ZNF420: variants seen among roughly 807,000 people sequenced by gnomAD.
ZNF420 encodes the protein ATM and p53-associated KZNF protein.
ZNF420 carries 31 observed loss-of-function variants against 44.7 expected under a neutral mutation model. The observed-to-expected ratio is 0.69, with a 90% CI of 0.52 to 0.94. The LOEUF (loss-of-function observed/expected upper bound fraction) is 0.94, where lower values mean the gene tolerates loss of function less well. Ranked by LOEUF, ZNF420 falls within the 40% of genes least tolerant of loss-of-function variation. The probability of loss-of-function intolerance (pLI) is 0.00; values close to 1 mark genes in which losing one functional copy is unlikely to be tolerated. For synonymous variants in ZNF420, 245 were observed against 267.4 expected (o/e 0.92, Z 0.82); for missense variants, 681 against 827.9 (o/e 0.82, Z 2.18).
intron 4 of ZNF420, among the ~76,000 whole-genome samples, chr19:37,108,963 C>T (rs1970241293): frequency 6.6e-6 from 1 of 152,160 alleles, no homozygotes; most frequent in South Asian, 2.1e-4. Flanking sequence ...TTGGGAATTT[C>T]CGTGGGGCAA....
At chr19:37,094,860 C>T (rs542204030) in intron 4 of ZNF420, among the ~76,000 whole-genome samples, 5 of 152,220 alleles carry the variant, frequency 3.3e-5, no homozygotes, top group South Asian at 2.1e-4. Context: ...AGGCCAGGCG[C>T]GGTGGCTCAC....
intron 2 of ZNF420, among the ~76,000 whole-genome samples, chr19:37,085,648 G>A (rs10424841): frequency 0.15 from 23,371 of 152,160 alleles, 1,853 homozygotes; most frequent in Middle Eastern, 0.21. Context: ...CTGCCAAGAG[G>A]ACATCCTAAT....
At chr19:37,046,138 T>C (rs1320502362) in intron 1 of ZNF420, among the ~76,000 whole-genome samples, 1 of 152,188 alleles carries the variant, frequency 6.6e-6, no homozygotes, top group Non-Finnish European at 1.5e-5. Context: ...GAATTCAAGC[T>C]GAGATTTGGG....
At chr19:37,124,525 T>C (rs1418925663) in intron 4 of ZNF420, among the ~76,000 whole-genome samples, 2 of 152,204 alleles carry the variant, frequency 1.3e-5, no homozygotes, top group Non-Finnish European at 2.9e-5. Flanking sequence ...ACCACACTCT[T>C]TTTTACCATA....
chr19:37,073,348 T>C (rs191575690), intron 1 of ZNF420, among the ~76,000 whole-genome samples: 10 of 152,354 alleles, frequency 6.6e-5, no homozygotes, highest in African/African-American at 2.2e-4. Context: ...ACTATTTCTT[T>C]GTTGAGAATA....
chr19:37,035,213 A>G (rs144144943), intron 1 of ZNF420, among the ~76,000 whole-genome samples: 89 of 152,038 alleles, frequency 5.9e-4, no homozygotes, highest in African/African-American at 2.0e-3. Context: ...TAATTTATCT[A>G]CTCTACTTCT....
chr19:37,053,393 G>A (rs1003999663), intron 1 of ZNF420, among the ~76,000 whole-genome samples: 27 of 152,274 alleles, frequency 1.8e-4, no homozygotes, highest in Middle Eastern at 3.4e-3. Context: ...GCTTTGTTCC[G>A]TTGCTGGTGA....
intron 1 of ZNF420, among the ~76,000 whole-genome samples, chr19:37,079,693 G>A (rs1301608754): frequency 6.6e-6 from 1 of 152,140 alleles, no homozygotes; most frequent in East Asian, 1.9e-4. Flanking sequence ...CTGGTCTTAG[G>A]ATGAGAATTT....
In ZNF420 at chr19:37,069,802, G is replaced by C. The variant is rs148154901; in HGVS notation, c.-124-10543G>C. ...ATTCTGTAGGATGCAGCTAAAGTTG[G>C]ACCTCGAGGAAAAGTTATAACCTTA... On this transcript the variant is annotated intron_variant, in intron 1 of 4. Coordinates refer to the ZNF420 transcript ENST00000587029. Among the ~76,000 whole-genome samples, 6 of 152,134 alleles carry C rather than the reference G, an allele frequency of 3.9e-5. No homozygotes were observed. In the East Asian group the frequency reaches 1.2e-3, roughly 29 times the overall value.
intron 4 of ZNF420, among the ~76,000 whole-genome samples, chr19:37,122,679 T>G (rs1053843623): frequency 1.3e-5 from 2 of 152,184 alleles, no homozygotes; most frequent in Non-Finnish European, 2.9e-5. Context: ...ATTTTTCTCC[T>G]TCCTCAATGG....
intron 1 of ZNF420, among the ~76,000 whole-genome samples, chr19:37,019,769 C>CAA (rs55854312): frequency 0.012 from 1,691 of 141,606 alleles, 30 homozygotes; most frequent in African/African-American, 0.036. Context: ...TCATCTGTCA[C>CAA]AAAAAAAAAA....
chr19:37,022,987 A>C (rs2146386151), intron 1 of ZNF420, among the ~76,000 whole-genome samples: 1 of 152,178 alleles, frequency 6.6e-6, no homozygotes, highest in Middle Eastern at 3.4e-3. Flanking sequence ...AAAATACAAA[A>C]ATTAGCCAGG....
intron 1 of ZNF420, among the ~76,000 whole-genome samples, chr19:37,022,243 AC>A (rs2074655527): frequency 6.6e-6 from 1 of 151,456 alleles, no homozygotes; most frequent in African/African-American, 2.4e-5. Context: ...AATTTTAAAA[AC>A]TTTTCTATAT....
chr19:37,090,910 A>G, intron 3 of ZNF420, 85 bp from the exon 4 acceptor site: 4 of 1,399,052 alleles, frequency 2.9e-6, no homozygotes, highest in Non-Finnish European at 3.8e-6. Context: ...ACAGAGCAAG[A>G]CTCCATCTCA....
rs139534022 is a variant in ZNF420 at position 37,024,141 on chromosome 19, A to T, written c.-125+16059A>T. Among the ~76,000 whole-genome samples the T allele has an allele frequency of 2.0e-5, 3 of 152,264 alleles. No individual in the cohort carries two copies. In the East Asian group the frequency reaches 5.8e-4, roughly 29 times the overall value. ...CCACAACCCCTTTTATAACCCAGAC[A>T]TAACCTACTGATAACTCTTTCCACC... On this transcript the variant is annotated intron_variant, in intron 1 of 4. Coordinates refer to the ZNF420 transcript ENST00000587029.
intron 4 of ZNF420, among the ~76,000 whole-genome samples, chr19:37,112,655 C>G (rs1037183388): frequency 6.6e-6 from 1 of 152,196 alleles, no homozygotes; most frequent in South Asian, 2.1e-4. Context: ...TCAGTGCTTC[C>G]AAACCCTCCT....
At chr19:37,054,479 CCTATTCAGCCATCTTG>C (rs1967705222) in intron 1 of ZNF420, among the ~76,000 whole-genome samples, 1 of 152,158 alleles carries the variant, frequency 6.6e-6, no homozygotes, top group Non-Finnish European at 1.5e-5. Flanking sequence ...TGGAGCTGTT[CCTATTCAGCCATCTTG>C]GCTCCACCGA....
chr19:37,041,983 C>A (rs897026211), intron 1 of ZNF420, among the ~76,000 whole-genome samples: 12 of 152,074 alleles, frequency 7.9e-5, no homozygotes, highest in Admixed American at 1.3e-4. Flanking sequence ...CGTCTATTTT[C>A]TTTTTTCTTT....
intron 1 of ZNF420, among the ~76,000 whole-genome samples, chr19:37,032,850 A>C (rs1967288846): frequency 6.6e-6 from 1 of 152,206 alleles, no homozygotes; most frequent in African/African-American, 2.4e-5. Context: ...GTGGTATATA[A>C]ATCACAGATA....
Sources: gnomAD v4.1 joint callset for allele counts (sites outside exome capture counted in the v4.1 genomes callset) on GRCh38, gnomAD v4.1.1 for gene constraint, MANE v1.5 for transcripts, NCBI Gene and HGNC (gene_info 2026-07-23, HGNC 2026-07-21) for gene names.